DGKI: variants seen among roughly 807,000 people sequenced by gnomAD.
DGKI encodes the protein DAG kinase iota.
A neutral mutation model predicts 147.5 loss-of-function variants in DGKI; 55 were observed. That is an observed-to-expected ratio of 0.37 (90% CI 0.30 to 0.47). The LOEUF (loss-of-function observed/expected upper bound fraction) is 0.47. Among genes scored for constraint, DGKI ranks in the 20% least tolerant of loss-of-function variants. DGKI has a pLI of 1.00. For synonymous variants in DGKI, 469 were observed against 477.1 expected, an observed-to-expected ratio of 0.98 and a Z score of 0.22; for missense variants, 1,007 against 1,323.8, an observed-to-expected ratio of 0.76 and a Z score of 3.71.
chr7:137,739,501 C>T (rs775510379), intron 1 of DGKI, among the ~76,000 whole-genome samples: 3 of 152,166 alleles, frequency 2.0e-5, no homozygotes, highest in Non-Finnish European at 4.4e-5. Flanking sequence ...GACTAGACCT[C>T]GAGATCCTAG....
chr7:137,390,877 G>T lies in DGKI; in HGVS notation c.*343C>A. On this transcript the variant is annotated 3_prime_UTR_variant, in exon 33 of 33. Coordinates refer to ENST00000614521, the MANE Select transcript of DGKI (RefSeq NM_001321708.2). ...AAAAACCAATGCATAGGGGGAGGAT[G>T]GAGCAGTGCCATTTATACGAACATC... 1 of 271,626 alleles carries T rather than the reference G, an allele frequency of 3.7e-6. No individual in the cohort carries two copies. Among genetic ancestry groups the T allele is most frequent in the Non-Finnish European group, 7.1e-6 (1 of 141,624 alleles). 16.8% of individuals were successfully genotyped at this position (271,626 alleles called of 1,614,324 possible). A position where few individuals can be genotyped will look rare whatever the true frequency, so the allele number is the denominator to read the frequency against.
At chr7:137,398,655 C>T (rs1186281101) in intron 30 of DGKI, among the ~76,000 whole-genome samples, 1 of 152,096 alleles carries the variant, frequency 6.6e-6, no homozygotes, top group Non-Finnish European at 1.5e-5. Flanking sequence ...GACAACATAA[C>T]AGAGATGTTA....
chr7:137,417,461 C>A (rs1390106646), intron 28 of DGKI, among the ~76,000 whole-genome samples: 3 of 152,146 alleles, frequency 2.0e-5, no homozygotes, highest in Admixed American at 2.0e-4. Context: ...AAAACTGGGA[C>A]TGAGAAGTCA....
chr7:137,492,288 G>A (rs969473160), intron 21 of DGKI, among the ~76,000 whole-genome samples: 3 of 152,136 alleles, frequency 2.0e-5, no homozygotes, highest in Non-Finnish European at 4.4e-5. Flanking sequence ...GATCCTCCAG[G>A]CAAGATAGCT....
intron 1 of DGKI, among the ~76,000 whole-genome samples, chr7:137,754,271 TC>T (rs2116772739): frequency 6.6e-6 from 1 of 152,208 alleles, no homozygotes; most frequent in South Asian, 2.1e-4. Flanking sequence ...CTCTGCCACA[TC>T]CACCCCCTGT....
chr7:137,569,237 C>T (rs551833883), intron 19 of DGKI, among the ~76,000 whole-genome samples: 2 of 152,174 alleles, frequency 1.3e-5, no homozygotes, highest in East Asian at 1.9e-4. Context: ...CCTTGGACTT[C>T]CAGGCCTAGG....
At chr7:137,463,362 G>C (rs1402762351) in intron 27 of DGKI, 127 bp downstream of exon 27, 1 of 1,319,498 alleles carries the variant, frequency 7.6e-7, no homozygotes, top group Non-Finnish European at 1.0e-6. Context: ...ACACAGAGTA[G>C]CACCTGCATG....
Position 137,587,189 on chromosome 7 carries a change from G to A in DGKI, c.1333C>T (p.Leu445=). 1 of 1,612,514 alleles carries A rather than the reference G, an allele frequency of 6.2e-7. No homozygotes were observed. ...TGAGGGCTCAGCTGCAGTTCATCCAGGATGGAAAGGATCCAGCCCACCTAC... is the reference window on the plus strand; with the variant it reads ...TGAGGGCTCAGCTGCAGTTCATCCAAGATGGAAAGGATCCAGCCCACCTAC... The part of the protein sequence containing the change: ...DGTVGWILSI[L]DELQLSPQPP... Residue 445 remains leucine, a synonymous_variant, in exon 13 of 33, where the codon CTG becomes TTG. Transcript: ENST00000614521.
At chr7:137,843,854 T>A (rs1008407836) in intron 1 of DGKI, among the ~76,000 whole-genome samples, 1 of 151,176 alleles carries the variant, frequency 6.6e-6, no homozygotes, top group Non-Finnish European at 1.5e-5. Flanking sequence ...AAAATACACA[T>A]GTTCTTCAAA....
At chr7:137,743,237 C>A (rs1795231977) in intron 1 of DGKI, among the ~76,000 whole-genome samples, 1 of 152,172 alleles carries the variant, frequency 6.6e-6, no homozygotes, top group Admixed American at 6.5e-5. Flanking sequence ...AGAAAACTGG[C>A]ACAGAAATTC....
At chr7:137,409,776 C>A (rs546601728) in intron 29 of DGKI, among the ~76,000 whole-genome samples, 2 of 152,256 alleles carry the variant, frequency 1.3e-5, no homozygotes, top group South Asian at 4.1e-4. Flanking sequence ...TTCAGTTAGT[C>A]CACGGACACT....
At position 137,510,948 on chromosome 7, in the gene DGKI, T is replaced by C. The variant is rs998377760; in HGVS notation, c.2248+10918A>G. ...GCTGACAGCCTGGGGACATCTCTAA[T>C]TCTGCTTACAGATGACTCCAGGAGA... On this transcript the variant is annotated intron_variant, in intron 21 of 32. Coordinates refer to ENST00000614521, the MANE Select transcript of DGKI (RefSeq NM_001321708.2). Among the ~76,000 whole-genome samples the C allele has an allele frequency of 2.6e-5, 4 of 152,332 alleles. No individual in the cohort carries two copies. In the East Asian group the frequency reaches 7.7e-4, roughly 29 times the overall value.
intron 20 of DGKI, among the ~76,000 whole-genome samples, chr7:137,533,078 A>G (rs1045713245): frequency 6.6e-6 from 1 of 152,170 alleles, no homozygotes; most frequent in Non-Finnish European, 1.5e-5. Flanking sequence ...ACTTGAATTC[A>G]GGAGTTTGAG....
intron 21 of DGKI, among the ~76,000 whole-genome samples, chr7:137,506,336 G>A (rs1033735612): frequency 6.6e-6 from 1 of 152,186 alleles, no homozygotes; most frequent in Admixed American, 6.5e-5. Context: ...ATTGCTAAGT[G>A]AAAGATGGCA....
chr7:137,572,653 A>G, intron 18 of DGKI, 112 bp downstream of exon 18: 1 of 701,622 alleles, frequency 1.4e-6, no homozygotes, highest in Non-Finnish European at 2.4e-6. Flanking sequence ...TTAATTACCC[A>G]TTTAGATAAC....
At chr7:137,573,562 G>A (rs897169141) in intron 17 of DGKI, among the ~76,000 whole-genome samples, 57 of 152,194 alleles carry the variant, frequency 3.7e-4, no homozygotes, top group Admixed American at 1.2e-3. Context: ...CCGCCACCAC[G>A]CCCAGCTAAT....
In DGKI at chr7:137,390,366, C is replaced by A. The variant is rs757158782; in HGVS notation, c.*854G>T. 1.4e-3 allele frequency: 210 copies of A among 152,732 alleles called. 1 individual carries two copies. The highest frequency in any genetic ancestry group is 1.6e-3 in the Non-Finnish European group (111 of 68,032). 9.5% of individuals were successfully genotyped at this position (152,732 alleles called of 1,614,324 possible). A position where few individuals can be genotyped will look rare whatever the true frequency, so the allele number is the denominator to read the frequency against. On this transcript the variant is annotated 3_prime_UTR_variant, in exon 33 of 33. Transcript: ENST00000614521. Reference sequence around the variant, plus strand: ...ACTAGCTGTGGGCCTCTGTTTAATCCTTTGCTCATCTTCTATTGCAGCAAA... The same window carrying A: ...ACTAGCTGTGGGCCTCTGTTTAATCATTTGCTCATCTTCTATTGCAGCAAA...
intron 29 of DGKI, among the ~76,000 whole-genome samples, chr7:137,409,828 C>T (rs1812095406): frequency 6.6e-6 from 1 of 152,132 alleles, no homozygotes; most frequent in South Asian, 2.1e-4. Context: ...TGACAGCCTT[C>T]ACACAGGGGT....
At chr7:137,775,585 T>C (rs1402928421) in intron 1 of DGKI, among the ~76,000 whole-genome samples, 1 of 152,232 alleles carries the variant, frequency 6.6e-6, no homozygotes, top group Non-Finnish European at 1.5e-5. Context: ...TGTAGTTACT[T>C]ATAAGTGGGC....
Sources: allele counts gnomAD v4.1 joint callset (sites outside exome capture counted in the v4.1 genomes callset), GRCh38; gene constraint gnomAD v4.1.1; transcripts MANE v1.5; gene names NCBI Gene and HGNC (gene_info 2026-07-23, HGNC 2026-07-21).